ITPR1: variants seen among roughly 807,000 people sequenced by gnomAD.
The protein encoded by ITPR1 is inositol 1,4,5-trisphosphate-gated calcium channel ITPR1.
In ITPR1, 96 loss-of-function variants were observed where a neutral mutation model predicts 318.4. The observed-to-expected ratio is 0.30, with a 90% CI of 0.26 to 0.36. The LOEUF (loss-of-function observed/expected upper bound fraction) is 0.36, where lower values mean the gene tolerates loss of function less well. Ranked by LOEUF, ITPR1 falls within the 10% of genes least tolerant of loss-of-function variation. The pLI is 1.00. For synonymous variants in ITPR1, 1,312 were observed against 1,289.9 expected (o/e 1.02, Z -0.37); for missense variants, 2,440 against 3,460.2 (o/e 0.71, Z 7.40).
At chr3:4,608,100 T>C (rs1308787363) in intron 4 of ITPR1, among the ~76,000 whole-genome samples, 1 of 152,154 alleles carries the variant, frequency 6.6e-6, no homozygotes, top group Non-Finnish European at 1.5e-5. Flanking sequence ...AGTTTGAAGG[T>C]TAACGGGAAG....
At chr3:4,731,264 G>A (rs901667643) in intron 42 of ITPR1, among the ~76,000 whole-genome samples, 2 of 152,188 alleles carry the variant, frequency 1.3e-5, no homozygotes, top group Non-Finnish European at 2.9e-5. Flanking sequence ...TGGTGCCTGA[G>A]ACTGGAATAC....
At chr3:4,641,903 TCTTTCTGCTCC>T (rs1424074225) in intron 6 of ITPR1, among the ~76,000 whole-genome samples, 179 bp from the exon 7 acceptor site, 26 of 152,238 alleles carry the variant, frequency 1.7e-4, no homozygotes, top group African/African-American at 6.3e-4. Context: ...TTCTGCCCTC[TCTTTCTGCTCC>T]CTTTTCTGTT....
In ITPR1 at chr3:4,528,534, C is replaced by T. The variant is rs753331734; in HGVS notation, c.163+7440C>T. Among the ~76,000 whole-genome samples the T allele has an allele frequency of 2.0e-5, 3 of 152,128 alleles. No individual in the cohort carries two copies. In the South Asian group the frequency reaches 6.2e-4, roughly 32 times the overall value. On this transcript the variant is annotated intron_variant, in intron 4 of 61. Coordinates refer to ENST00000649015, the MANE Select transcript of ITPR1 (RefSeq NM_001378452.1). ...GTATTTTTTGATTTTTTTCTTTTGG[C>T]AAGGCATCGAAGGAATGAATCCGTA...
intron 60 of ITPR1, chr3:4,825,871 C>T (rs776752714): frequency 2.2e-6 from 1 of 452,082 alleles, no homozygotes. Context: ...TCCTGCAGAT[C>T]ATGATTAGAT....
intron 10 of ITPR1, among the ~76,000 whole-genome samples, chr3:4,647,174 T>TC (rs2093477567): frequency 6.6e-6 from 1 of 152,176 alleles, no homozygotes; most frequent in African/African-American, 2.4e-5. Flanking sequence ...TGTTTTTTTT[T>TC]CACTCAGTAT....
At chr3:4,715,658 G>A (rs1574983582) in intron 39 of ITPR1, among the ~76,000 whole-genome samples, 1 of 152,296 alleles carries the variant, frequency 6.6e-6, no homozygotes, top group South Asian at 2.1e-4. Context: ...TTCGAGACCA[G>A]CCTGGCCAAC....
At chr3:4,549,228 T>C (rs986421871) in intron 4 of ITPR1, among the ~76,000 whole-genome samples, 7 of 152,206 alleles carry the variant, frequency 4.6e-5, no homozygotes, top group Non-Finnish European at 8.8e-5. Flanking sequence ...AATAGACAAA[T>C]GCACTGACAG....
At chr3:4,728,119 T>A (rs895536198) in intron 42 of ITPR1, among the ~76,000 whole-genome samples, 1 of 152,260 alleles carries the variant, frequency 6.6e-6, no homozygotes, top group African/African-American at 2.4e-5. Context: ...AAGAAATGAA[T>A]GAATGTGTGC....
At chr3:4,562,613 T>C (rs9832410) in intron 4 of ITPR1, among the ~76,000 whole-genome samples, 120,264 of 151,920 alleles carry the variant, frequency 0.79, 47,820 homozygotes, top group Non-Finnish European at 0.83. Context: ...CAACCCTGTA[T>C]GTTGAGATTT....
intron 8 of ITPR1, among the ~76,000 whole-genome samples, chr3:4,644,614 G>A (rs1575867453): frequency 6.6e-6 from 1 of 152,172 alleles, no homozygotes; most frequent in Non-Finnish European, 1.5e-5. Context: ...GAACACTGCA[G>A]CTTATCAGCA....
At chr3:4,632,110 CT>C (rs1295951251) in intron 5 of ITPR1, among the ~76,000 whole-genome samples, 10 of 152,234 alleles carry the variant, frequency 6.6e-5, no homozygotes. Context: ...CTTCCAGTCA[CT>C]GCAGCAATCC....
chr3:4,838,003 C>G (rs573653659), intron 61 of ITPR1, among the ~76,000 whole-genome samples: 1 of 152,214 alleles, frequency 6.6e-6, no homozygotes, highest in East Asian at 1.9e-4. Context: ...ATTTATCACT[C>G]TTACAAAGAT....
At chr3:4,827,462 A>G (rs577984656) in intron 60 of ITPR1, among the ~76,000 whole-genome samples, 2 of 152,334 alleles carry the variant, frequency 1.3e-5, no homozygotes, top group East Asian at 3.9e-4. Context: ...CTGCGTCTTT[A>G]CAATGAAGCC....
chr3:4,508,165 G>T (rs2081527589), intron 2 of ITPR1, among the ~76,000 whole-genome samples: 1 of 152,128 alleles, frequency 6.6e-6, no homozygotes, highest in Admixed American at 6.6e-5. Flanking sequence ...GGACTACCCT[G>T]CCACCCGATT....
At chr3:4,571,641 A>G (rs909542316) in intron 4 of ITPR1, among the ~76,000 whole-genome samples, 1 of 152,054 alleles carries the variant, frequency 6.6e-6, no homozygotes, top group African/African-American at 2.4e-5. Flanking sequence ...GCCTGATTTC[A>G]CTTCTTACCT....
intron 59 of ITPR1, among the ~76,000 whole-genome samples, chr3:4,815,488 T>C (rs1215233539): frequency 5.3e-5 from 8 of 152,176 alleles, no homozygotes; most frequent in African/African-American, 7.2e-5. Context: ...TTAACATCTT[T>C]AATCCTTCTT....
chr3:4,503,625 G>T (rs537010228), intron 2 of ITPR1, among the ~76,000 whole-genome samples: 3 of 152,218 alleles, frequency 2.0e-5, no homozygotes, highest in African/African-American at 7.2e-5. Flanking sequence ...CAGGGGTGGG[G>T]TGCTACTGGC....
intron 4 of ITPR1, among the ~76,000 whole-genome samples, chr3:4,573,025 G>T (rs1035493895): frequency 6.6e-6 from 1 of 152,056 alleles, no homozygotes; most frequent in Non-Finnish European, 1.5e-5. Context: ...ACCTTTTGAC[G>T]ATTGGGATTA....
chr3:4,559,160 A>G (rs1350309018), intron 4 of ITPR1, among the ~76,000 whole-genome samples: 1 of 101,500 alleles, frequency 9.9e-6, no homozygotes, highest in East Asian at 2.9e-4. Context: ...CACCTGAAAA[A>G]GTTGTTTTTT....
Sources: allele counts gnomAD v4.1 joint callset (sites outside exome capture counted in the v4.1 genomes callset), GRCh38; gene constraint gnomAD v4.1.1; transcripts MANE v1.5; gene names NCBI Gene and HGNC (gene_info 2026-07-23, HGNC 2026-07-21).